Variants in HEATR5B observed in about 807,000 individuals in gnomAD.
HEATR5B encodes the protein HEAT repeat containing 5B.
In HEATR5B, 156 loss-of-function variants were observed where a neutral mutation model predicts 224.1. The ratio of observed to expected loss-of-function variants is 0.70; its 90% CI spans 0.61 to 0.80. HEATR5B has a LOEUF of 0.80. HEATR5B is among the 30% of genes least tolerant of loss of function. The pLI is 0.00. For synonymous variants in HEATR5B, 1,027 were observed against 893.0 expected, an observed-to-expected ratio of 1.15 and a Z score of -2.68; for missense variants, 2,323 against 2,535.5, an observed-to-expected ratio of 0.92 and a Z score of 1.80.
chr2:37,037,145 G>GAGATAGATATATATAT, intron 21 of HEATR5B, among the ~76,000 whole-genome samples: 2 of 89,136 alleles, frequency 2.2e-5, no homozygotes, highest in African/African-American at 7.6e-5. Context: ...CTAAAAATGT[G>GAGATAGATATATATAT]ATATATATAT....
At position 37,011,364 on chromosome 2, in the gene HEATR5B, T is replaced by G. The variant is rs187241028; in HGVS notation, c.4284+2477A>C. ...TATAGACGGAGCACAGGTTATAAGC[T>G]GGAAGTAGCTGAAGTTTTTACTCTG... On this transcript the variant is annotated intron_variant, in intron 27 of 35. Transcript: ENST00000233099. Among the ~76,000 whole-genome samples the G allele has an allele frequency of 1.8e-4, 28 of 152,304 alleles. No individual in the cohort carries two copies. In the East Asian group the frequency reaches 5.2e-3, roughly 28 times the overall value.
At position 37,028,327 on chromosome 2, in the gene HEATR5B, T is replaced by C. The variant is rs532160015; in HGVS notation, c.3602-153A>G. Among the ~76,000 whole-genome samples, 3 of 152,132 alleles carry C rather than the reference T, an allele frequency of 2.0e-5. No homozygotes were observed. The East Asian group carries it at 5.8e-4, about 29-fold the overall frequency. On this transcript the variant is annotated intron_variant, in intron 23 of 35. Coordinates refer to ENST00000233099, the MANE Select transcript of HEATR5B (RefSeq NM_019024.3). ...AACTAGCAGAATTTTTTTTAAACAATCAAAAGCCAAGGAAAAGATAACATA... is the reference window on the plus strand; with the variant it reads ...AACTAGCAGAATTTTTTTTAAACAACCAAAAGCCAAGGAAAAGATAACATA...
At chr2:37,075,828 T>C in intron 4 of HEATR5B, 194 bp from the exon 5 acceptor site, 1 of 391,286 alleles carries the variant, frequency 2.6e-6, no homozygotes, top group Non-Finnish European at 4.5e-6. Context: ...AATAATATCT[T>C]TCTAAAAAAT....
At position 37,083,274 on chromosome 2, in the gene HEATR5B, A is replaced by T; in HGVS notation, c.126+15T>A. ...TTCACGTTAATGCAACTGGGAAAAAAGAGCAATACCATACCTTGTTGGCAG... is the reference window on the plus strand; with the variant it reads ...TTCACGTTAATGCAACTGGGAAAAATGAGCAATACCATACCTTGTTGGCAG... On this transcript the variant is annotated intron_variant, in intron 2 of 35. Coordinates refer to ENST00000233099, the MANE Select transcript of HEATR5B (RefSeq NM_019024.3). 7 of 1,613,836 alleles carry T rather than the reference A, an allele frequency of 4.3e-6. No individual in the cohort carries two copies. Among genetic ancestry groups the T allele is most frequent in the Non-Finnish European group, 5.1e-6 (6 of 1,179,826 alleles).
chr2:37,065,914 G>T lies in HEATR5B; in HGVS notation c.1178-4C>A. On this transcript the variant is annotated splice_polypyrimidine_tract_variant and splice_region_variant and intron_variant, in intron 8 of 35. Coordinates refer to ENST00000233099, the MANE Select transcript of HEATR5B (RefSeq NM_019024.3). ...CTTGTGTCATTCACTACTGCTTCTG[G>T]AAACACAAAATCATGTCTTTGACAT... The T allele has an allele frequency of 6.3e-7, 1 of 1,599,988 alleles. No homozygotes were observed. Among genetic ancestry groups the T allele is most frequent in the Non-Finnish European group, 8.6e-7 (1 of 1,169,442 alleles).
intron 14 of HEATR5B, 89 bp from the exon 15 acceptor site, chr2:37,057,569 C>G (rs749606379): frequency 3.4e-5 from 27 of 803,934 alleles, no homozygotes; most frequent in Non-Finnish European, 5.2e-5. Context: ...ACATGTTCAA[C>G]AGGAATAAAA....
intron 23 of HEATR5B, 90 bp from the exon 24 acceptor site, chr2:37,028,264 A>T (rs1043160855): frequency 3.9e-6 from 3 of 769,632 alleles, no homozygotes; most frequent in South Asian, 9.1e-5. Context: ...TTTTTAATTT[A>T]AAAAAAGACT....
chr2:37,015,577 TA>T (rs575900688), intron 26 of HEATR5B, among the ~76,000 whole-genome samples: 5 of 152,222 alleles, frequency 3.3e-5, no homozygotes, highest in Non-Finnish European at 7.3e-5. Flanking sequence ...CAAAAATTTC[TA>T]AATGCTGATT....
chr2:36,982,071 C>A (rs1442102641), intron 35 of HEATR5B, among the ~76,000 whole-genome samples: 1 of 149,314 alleles, frequency 6.7e-6, no homozygotes, highest in African/African-American at 2.5e-5. Context: ...AAACACTTTA[C>A]AATTGCCACC....
chr2:37,036,698 G>C (rs956985622), intron 21 of HEATR5B, among the ~76,000 whole-genome samples: 1 of 152,028 alleles, frequency 6.6e-6, no homozygotes, highest in African/African-American at 2.4e-5. Flanking sequence ...TTTTAGTAGA[G>C]ATGAGGTTTG....
chr2:36,992,884 A>T (rs938809527), intron 33 of HEATR5B, among the ~76,000 whole-genome samples: 4 of 151,084 alleles, frequency 2.6e-5, no homozygotes, highest in Admixed American at 6.6e-5. Context: ...ACCACCATGT[A>T]CAGCTGAATT....
At chr2:37,072,316 A>G in intron 5 of HEATR5B, 35 bp from the exon 6 acceptor site, 4 of 1,452,956 alleles carry the variant, frequency 2.8e-6, no homozygotes, top group Non-Finnish European at 2.9e-6. Context: ...ATAACATCCT[A>G]TAACATCTGC....
At chr2:37,036,070 C>T (rs1669455954) in intron 21 of HEATR5B, among the ~76,000 whole-genome samples, 1 of 152,190 alleles carries the variant, frequency 6.6e-6, no homozygotes, top group Admixed American at 6.5e-5. Context: ...CATTCTCTTA[C>T]TAACTTAGAG....
intron 35 of HEATR5B, among the ~76,000 whole-genome samples, chr2:36,984,484 A>G (rs1558687654): frequency 6.6e-6 from 1 of 151,946 alleles, no homozygotes; most frequent in African/African-American, 2.4e-5. Flanking sequence ...GGTTGGTTAC[A>G]AATACCAAAT....
rs760664157 is a variant in HEATR5B at position 37,028,721 on chromosome 2, A to G, written c.3561T>C (p.His1187=). 40 of 1,613,954 alleles carry G rather than the reference A, an allele frequency of 2.5e-5. No homozygotes were observed. The highest frequency in any genetic ancestry group is 1.8e-4 in the South Asian group (16 of 91,082). ...LSSLAVEKLS[H]WLMLCKDVLA... ...GGACATCTTTACAAAGCATTAGCCA[A>G]TGAGAAAGTTTTTCTACTGCCAGCG... Residue 1187 remains histidine (H), a synonymous_variant, in exon 23 of 36, where the codon CAT becomes CAC. Transcript: ENST00000233099.
intron 2 of HEATR5B, among the ~76,000 whole-genome samples, chr2:37,080,106 T>C (rs1672463914): frequency 1.3e-5 from 2 of 152,184 alleles, no homozygotes; most frequent in South Asian, 4.1e-4. Context: ...GGTTGGAGCA[T>C]TCTTAGCATC....
intron 6 of HEATR5B, among the ~76,000 whole-genome samples, chr2:37,071,323 G>C (rs1328494440): frequency 6.6e-6 from 1 of 152,148 alleles, no homozygotes; most frequent in African/African-American, 2.4e-5. Flanking sequence ...GACTGGGGCA[G>C]GGTTCACTCA....
chr2:37,081,952 C>T (rs897630020), intron 2 of HEATR5B, among the ~76,000 whole-genome samples: 1 of 149,592 alleles, frequency 6.7e-6, no homozygotes, highest in Admixed American at 6.7e-5. Context: ...ACAGTGAAGT[C>T]CAGTTTAAAA....
At chr2:36,989,694 GAA>G (rs1358122022) in intron 34 of HEATR5B, among the ~76,000 whole-genome samples, 2 of 152,066 alleles carry the variant, frequency 1.3e-5, no homozygotes, top group Admixed American at 1.3e-4. Context: ...ATGAAGGAAG[GAA>G]AGAAGGAAGA....
Sources: gnomAD v4.1 joint callset for allele counts (sites outside exome capture counted in the v4.1 genomes callset) on GRCh38, gnomAD v4.1.1 for gene constraint, MANE v1.5 for transcripts, NCBI Gene and HGNC (gene_info 2026-07-23, HGNC 2026-07-21) for gene names.